GRM1: variants seen among roughly 807,000 people sequenced by gnomAD.
The protein encoded by GRM1 is metabotropic glutamate receptor 1.
In GRM1, 33 loss-of-function variants were observed where a neutral mutation model predicts 90.9. The observed-to-expected ratio is 0.36, with a 90% CI of 0.28 to 0.49. The LOEUF is 0.49. Ranked by LOEUF, GRM1 falls within the 20% of genes least tolerant of loss-of-function variation. The probability of loss-of-function intolerance (pLI) is 0.99; values close to 1 mark genes in which losing one functional copy is unlikely to be tolerated. For missense variants in GRM1, 1,190 were observed against 1,534.3 expected (o/e 0.78, Z 3.75); for synonymous variants, 700 against 613.2 (o/e 1.14, Z -2.09).
At chr6:146,112,743 T>G (rs185518058) in intron 1 of GRM1, among the ~76,000 whole-genome samples, 140 of 152,326 alleles carry the variant, frequency 9.2e-4, no homozygotes, top group African/African-American at 3.1e-3. Flanking sequence ...GAATTAGAGA[T>G]GCCTCTTGGG....
At chr6:146,268,149 T>G (rs1397755323) in intron 2 of GRM1, among the ~76,000 whole-genome samples, 3 of 152,216 alleles carry the variant, frequency 2.0e-5, no homozygotes, top group African/African-American at 7.2e-5. Context: ...CCTCAAGACT[T>G]GACATGTTTT....
chr6:146,118,803 G>A (rs1775864408), intron 1 of GRM1, among the ~76,000 whole-genome samples: 1 of 152,206 alleles, frequency 6.6e-6, no homozygotes, highest in African/African-American at 2.4e-5. Context: ...GTATTCCATG[G>A]TGTATATGTG....
At chr6:146,148,249 A>G (rs891579899) in intron 1 of GRM1, among the ~76,000 whole-genome samples, 18 of 152,300 alleles carry the variant, frequency 1.2e-4, no homozygotes, top group African/African-American at 4.1e-4. Flanking sequence ...CAAATTAATA[A>G]ATGATTATTG....
intron 2 of GRM1, among the ~76,000 whole-genome samples, chr6:146,257,841 A>G (rs1039816759): frequency 1.3e-5 from 2 of 152,002 alleles, no homozygotes; most frequent in Non-Finnish European, 2.9e-5. Context: ...TTCAAATGCA[A>G]ATTTTATTGG....
intron 7 of GRM1, among the ~76,000 whole-genome samples, chr6:146,416,040 T>C (rs1393794624): frequency 6.6e-6 from 1 of 152,200 alleles, no homozygotes; most frequent in Non-Finnish European, 1.5e-5. Flanking sequence ...TTGCATGATA[T>C]ACCATTTTCC....
chr6:146,272,446 T>C, intron 2 of GRM1, among the ~76,000 whole-genome samples: 1 of 152,138 alleles, frequency 6.6e-6, no homozygotes, highest in East Asian at 1.9e-4. Context: ...CGAGAATGAG[T>C]TTCTCAAAGT....
intron 2 of GRM1, among the ~76,000 whole-genome samples, chr6:146,266,661 C>G (rs1008737029): frequency 9.2e-5 from 14 of 152,244 alleles, no homozygotes; most frequent in African/African-American, 3.4e-4. Context: ...ATTATTTTCT[C>G]TTTGTAACTT....
At chr6:146,396,105 G>GTCTATCTATCTATCA (rs1776923850) in intron 6 of GRM1, among the ~76,000 whole-genome samples, 2 of 29,190 alleles carry the variant, frequency 6.9e-5, no homozygotes, top group Non-Finnish European at 1.3e-4. Flanking sequence ...TCTATCTATC[G>GTCTATCTATCTATCA]TCTATATATA....
intron 2 of GRM1, among the ~76,000 whole-genome samples, chr6:146,235,314 A>G (rs1780600091): frequency 1.3e-5 from 2 of 151,994 alleles, no homozygotes; most frequent in South Asian, 2.1e-4. Context: ...TTGTTCCTCT[A>G]GATGTAATAT....
chr6:146,382,130 A>G (rs1294759585), intron 5 of GRM1, among the ~76,000 whole-genome samples: 2 of 152,152 alleles, frequency 1.3e-5, no homozygotes, highest in Non-Finnish European at 2.9e-5. Context: ...TGAAATGTCA[A>G]AACTTTTACT....
intron 2 of GRM1, among the ~76,000 whole-genome samples, chr6:146,282,922 C>G (rs1782626900): frequency 1.3e-5 from 2 of 152,118 alleles, no homozygotes; most frequent in African/African-American, 4.8e-5. Context: ...TGCATAATCC[C>G]TGTCTCTTGA....
At chr6:146,192,331 G>A (rs1778959254) in intron 2 of GRM1, among the ~76,000 whole-genome samples, 1 of 152,118 alleles carries the variant, frequency 6.6e-6, no homozygotes, top group Admixed American at 6.5e-5. Context: ...GGACATACAT[G>A]GAGGAAAATG....
intron 1 of GRM1, among the ~76,000 whole-genome samples, chr6:146,133,976 C>T (rs1203518429): frequency 6.6e-6 from 1 of 152,260 alleles, no homozygotes; most frequent in Non-Finnish European, 1.5e-5. Flanking sequence ...GTCTTATCCT[C>T]AAAATCCTGG....
chr6:146,159,814 C>T, intron 2 of GRM1: 2 of 529,932 alleles, frequency 3.8e-6, no homozygotes, highest in Non-Finnish European at 6.8e-6. Context: ...CAGAACAAGG[C>T]TCAGGAGGGA....
At chr6:146,391,706 A>G (rs1422587114) in intron 6 of GRM1, among the ~76,000 whole-genome samples, 2 of 152,100 alleles carry the variant, frequency 1.3e-5, no homozygotes, top group African/African-American at 4.8e-5. Context: ...CCTAAATAAA[A>G]AATAAAGAAA....
chr6:146,106,142 T>C (rs143592385), intron 1 of GRM1, among the ~76,000 whole-genome samples: 3 of 152,336 alleles, frequency 2.0e-5, no homozygotes, highest in African/African-American at 7.2e-5. Flanking sequence ...TATTTTGTCA[T>C]GGGGTGGTAA....
chr6:146,082,244 C>T (rs1367870145), intron 1 of GRM1, among the ~76,000 whole-genome samples: 1 of 152,152 alleles, frequency 6.6e-6, no homozygotes, highest in Non-Finnish European at 1.5e-5. Flanking sequence ...CAACCTCCGC[C>T]TCCCGGGTTC....
intron 2 of GRM1, among the ~76,000 whole-genome samples, chr6:146,259,974 T>TTTA (rs1781628501): frequency 1.4e-5 from 2 of 145,232 alleles, no homozygotes; most frequent in African/African-American, 5.0e-5. Context: ...ATATATATAT[T>TTTA]TATATATATA....
intron 1 of GRM1, among the ~76,000 whole-genome samples, chr6:146,081,670 T>G (rs1169224063): frequency 6.6e-6 from 1 of 152,178 alleles, no homozygotes; most frequent in Non-Finnish European, 1.5e-5. Context: ...TTTTTCAAAT[T>G]AAATTTAATG....
Sources: allele counts gnomAD v4.1 joint callset (sites outside exome capture counted in the v4.1 genomes callset), GRCh38; gene constraint gnomAD v4.1.1; transcripts MANE v1.5; gene names NCBI Gene and HGNC (gene_info 2026-07-23, HGNC 2026-07-21).